Variants in PDS5A observed in about 807,000 individuals in gnomAD.
The protein encoded by PDS5A is sister chromatid cohesion protein PDS5 homolog A.
A neutral mutation model predicts 167.1 loss-of-function variants in PDS5A; 42 were observed. That is an observed-to-expected ratio of 0.25 (90% confidence interval 0.20 to 0.33). PDS5A has a LOEUF of 0.33. PDS5A is among the 10% of genes least tolerant of loss of function. The pLI is 1.00. For missense variants in PDS5A, 1,033 were observed against 1,605.9 expected, an observed-to-expected ratio of 0.64 and a Z score of 6.10; for synonymous variants, 553 against 554.6, an observed-to-expected ratio of 1.00 and a Z score of 0.04.
At chr4:39,875,183 A>G (rs559559509) in intron 19 of PDS5A, among the ~76,000 whole-genome samples, 3 of 152,320 alleles carry the variant, frequency 2.0e-5, no homozygotes, top group African/African-American at 7.2e-5. Context: ...TGACAGAAAA[A>G]CATAAAGCAT....
chr4:39,849,007 T>C (rs768439418), intron 27 of PDS5A, 37 bp from the exon 28 acceptor site: 5 of 1,396,486 alleles, frequency 3.6e-6, no homozygotes, highest in African/African-American at 2.9e-5. Context: ...ACTTTTAGTA[T>C]TGCAAAATAA....
At chr4:39,841,260 C>T (rs748674172) in intron 31 of PDS5A, among the ~76,000 whole-genome samples, 4 of 152,014 alleles carry the variant, frequency 2.6e-5, no homozygotes, top group Non-Finnish European at 4.4e-5. Flanking sequence ...CTGCCTCAGC[C>T]TCCTGAGTAG....
At chr4:39,861,258 G>C (rs1266631681) in intron 26 of PDS5A, among the ~76,000 whole-genome samples, 1 of 151,770 alleles carries the variant, frequency 6.6e-6, no homozygotes, top group African/African-American at 2.4e-5. Flanking sequence ...CAGGAGAGCA[G>C]CCTGGCCAAC....
Position 39,868,141 on chromosome 4 carries a change from G to GA in PDS5A, c.2506-1145dup, listed in dbSNP as rs561856691. ...ATCCCAAATCTGCCACTTTTCAACT[G>GA]AGCTTTACATCTATTAAATGTCACA... is the stretch of plus-strand genomic sequence containing the variant. On this transcript the variant is annotated intron_variant, in intron 22 of 32. Coordinates refer to ENST00000303538, the MANE Select transcript of PDS5A (RefSeq NM_001100399.2). 1.7e-4 allele frequency among the ~76,000 whole-genome samples: 26 copies of GA among 152,174 alleles called. No individual in the cohort carries two copies. In the South Asian group the frequency reaches 5.4e-3, roughly 32 times the overall value.
intron 11 of PDS5A, 31 bp downstream of exon 11, chr4:39,908,364 T>G: frequency 6.4e-7 from 1 of 1,568,630 alleles, no homozygotes; most frequent in South Asian, 1.1e-5. Context: ...AAACAGTAAA[T>G]TACAGAAGAA....
intron 17 of PDS5A, among the ~76,000 whole-genome samples, chr4:39,886,006 G>A (rs1001408329): frequency 6.6e-6 from 1 of 152,184 alleles, no homozygotes; most frequent in Admixed American, 6.5e-5. Flanking sequence ...TATGTTGAGA[G>A]ATGAGAGATA....
chr4:39,929,538 T>TATAC lies in PDS5A; in HGVS notation c.139-1375_139-1374insGTAT, dbSNP rs1553903698. Among the ~76,000 whole-genome samples the TATAC allele has an allele frequency of 1.1e-4, 14 of 122,080 alleles. 1 individual carries two copies. The highest frequency in any genetic ancestry group is 1.5e-4 in the Non-Finnish European group (9 of 59,096). The allele number at this position is 122,080 out of a possible 152,430, so 80.1% of individuals were successfully genotyped here. On this transcript the variant is annotated intron_variant, in intron 2 of 32. Coordinates refer to ENST00000303538, the MANE Select transcript of PDS5A (RefSeq NM_001100399.2). The stretch of plus-strand genomic sequence containing the variant: ...AATAAACTATATATATATATATATA[T>TATAC]ATATATATATATATATATCCCATTA...
chr4:39,949,822 A>AAAAAAAAAAAAAAG, intron 2 of PDS5A, among the ~76,000 whole-genome samples: 2 of 36,326 alleles, frequency 5.5e-5, no homozygotes, highest in Admixed American at 3.5e-4. Flanking sequence ...TCTGTCTCAG[A>AAAAAAAAAAAAAAG]AAAAAAAAAA....
At chr4:39,923,329 ATT>A (rs1725166181) in intron 5 of PDS5A, among the ~76,000 whole-genome samples, 1 of 148,410 alleles carries the variant, frequency 6.7e-6, no homozygotes. Flanking sequence ...CTTTGTATCA[ATT>A]AAAAAAAAAA....
intron 2 of PDS5A, 66 bp from the exon 3 acceptor site, chr4:39,928,230 A>C (rs183133399): frequency 4.7e-6 from 5 of 1,061,230 alleles, no homozygotes; most frequent in Admixed American, 2.5e-5. Flanking sequence ...GGAGGATGTG[A>C]TTTAAAAAAA....
At chr4:39,896,683 G>C (rs1349842031) in intron 16 of PDS5A, among the ~76,000 whole-genome samples, 1 of 151,628 alleles carries the variant, frequency 6.6e-6, no homozygotes, top group Non-Finnish European at 1.5e-5. Flanking sequence ...AGAGGATCAC[G>C]TGAACCCAGG....
At chr4:39,944,682 G>A (rs189978602) in intron 2 of PDS5A, among the ~76,000 whole-genome samples, 415 of 110,990 alleles carry the variant, frequency 3.7e-3, no homozygotes, top group Admixed American at 9.0e-3. Flanking sequence ...CAACAACGGC[G>A]AAACTCCATC....
chr4:39,946,891 C>T (rs570968571), intron 2 of PDS5A, among the ~76,000 whole-genome samples: 78 of 151,684 alleles, frequency 5.1e-4, no homozygotes, highest in Non-Finnish European at 1.1e-3. Flanking sequence ...CCAGCCTGGG[C>T]GTTGCAGCAA....
rs1731187412 is a variant in PDS5A at position 39,977,127 on chromosome 4, G to C, written c.-41+330C>G. Among the ~76,000 whole-genome samples the C allele has an allele frequency of 6.6e-6, 1 of 152,176 alleles. No homozygotes were observed. The highest frequency in any genetic ancestry group is 1.5e-5 in the Non-Finnish European group (1 of 67,996). Reference sequence around the variant, plus strand: ...TTGCCCAGCCGAGCCTCGGACCCGGGGTAGTCCCCGCCGCGCTGCCACCCC... The same window carrying C: ...TTGCCCAGCCGAGCCTCGGACCCGGCGTAGTCCCCGCCGCGCTGCCACCCC... On this transcript the variant is annotated intron_variant, in intron 1 of 32. Transcript: ENST00000303538. The surrounding 1 kb of genome is among the most constrained non-coding windows in gnomAD (Gnocchi z 4.2).
chr4:39,926,379 G>A (rs1020151498), intron 4 of PDS5A, among the ~76,000 whole-genome samples: 1 of 151,992 alleles, frequency 6.6e-6, no homozygotes, highest in African/African-American at 2.4e-5. Flanking sequence ...TTAGCCGTGC[G>A]TGGTGGTGTA....
chr4:39,909,283 C>T (rs1277756020), intron 10 of PDS5A, among the ~76,000 whole-genome samples: 1 of 151,862 alleles, frequency 6.6e-6, no homozygotes, highest in Non-Finnish European at 1.5e-5. Context: ...TGCCACCATG[C>T]CTGGCTAATT....
rs367611387 is a variant in PDS5A at position 39,862,296 on chromosome 4, T to G, written c.3009A>C (p.Pro1003=). The change falls in exon 26 of 33, where the codon CCA becomes CCC. Residue 1003 remains proline (P), a synonymous_variant. Transcript: ENST00000303538. ...CATGGGCTAGCAGGTGAATCATGTA[T>G]GGAACTACATATTCAGGCAACAGTG... is the stretch of plus-strand genomic sequence containing the variant. ...LLSLLPEYVV[P]YMIHLLAHDP... is the part of the protein sequence containing the mutation. 1 of 1,528,622 alleles carries G rather than the reference T, an allele frequency of 6.5e-7. No homozygotes were observed. The highest frequency in any genetic ancestry group is 1.4e-5 in the African/African-American group (1 of 73,068). The allele number at this position is 1,528,622 out of a possible 1,614,324, so 94.7% of individuals were successfully genotyped here. A position where few individuals can be genotyped will look rare whatever the true frequency, so the allele number is the denominator to read the frequency against.
chr4:39,897,181 G>T (rs1391438093), intron 16 of PDS5A, among the ~76,000 whole-genome samples: 1 of 151,978 alleles, frequency 6.6e-6, no homozygotes, highest in Non-Finnish European at 1.5e-5. Context: ...ATCACCTGAG[G>T]TAAGGAGTTC....
At chr4:39,972,643 G>A (rs1473540208) in intron 2 of PDS5A, among the ~76,000 whole-genome samples, 3 of 150,548 alleles carry the variant, frequency 2.0e-5, no homozygotes. Flanking sequence ...GGGATTACAG[G>A]CATGAGCCCC....
Sources: gnomAD v4.1 joint callset for allele counts (sites outside exome capture counted in the v4.1 genomes callset) on GRCh38, gnomAD v4.1.1 for gene constraint, Gnocchi (gnomAD v3.1) non-coding constraint, MANE v1.5 for transcripts, NCBI Gene and HGNC (gene_info 2026-07-23, HGNC 2026-07-21) for gene names.